The following KLC1 variants were observed in gnomAD, a reference collection of about 807,000 sequenced individuals.
KLC1 encodes the protein kinesin 2 60/70kDa.
In KLC1, 30 loss-of-function variants were observed where a neutral mutation model predicts 84.2. That is an observed-to-expected ratio of 0.36 (90% CI 0.27 to 0.48). KLC1 has a LOEUF of 0.48. Ranked by LOEUF, KLC1 falls within the 20% of genes least tolerant of loss-of-function variation. The pLI, the probability that KLC1 is intolerant of heterozygous loss-of-function variation, is 0.99. For missense variants in KLC1, 499 were observed against 805.4 expected (o/e 0.62, Z 4.60); for synonymous variants, 289 against 293.3 (o/e 0.99, Z 0.15).
rs560748692 is a variant in KLC1, at chr14:103,689,302, T to G, written c.1781+2091T>G. On this transcript the variant is annotated intron_variant, in intron 14 of 16. Coordinates refer to ENST00000334553, the MANE Select transcript of KLC1 (RefSeq NM_001394837.1). ...GACAGCTCTCAGAGTTGTTCTGTTT[T>G]CTCGTGTTTTGTGTCTTTGCCGTGA... is the stretch of plus-strand genomic sequence containing the variant. 5.3e-5 allele frequency among the ~76,000 whole-genome samples: 8 copies of G among 152,280 alleles called. No individual in the cohort carries two copies. The South Asian group carries it at 1.7e-3, about 32-fold the overall frequency.
chr14:103,678,468 T>C (rs1345751802), intron 12 of KLC1, among the ~76,000 whole-genome samples: 1 of 151,712 alleles, frequency 6.6e-6, no homozygotes, highest in African/African-American at 2.4e-5. Context: ...GAGGATCCCT[T>C]GAGCTCAGGA....
chr14:103,696,395 A>AT, intron 15 of KLC1: 1 of 985,390 alleles, frequency 1.0e-6, no homozygotes, highest in Non-Finnish European at 1.2e-6. Context: ...TGTTTTCTGG[A>AT]TTAAGCTGCT....
rs144922119 is a variant in KLC1 at position 103,645,150 on chromosome 14, T to C, written c.-1-9414T>C. Among the ~76,000 whole-genome samples the C allele has an allele frequency of 8.5e-4, 129 of 152,212 alleles. 3 individuals are homozygous for C. In the East Asian group the frequency reaches 0.02, roughly 23 times the overall value. On this transcript the variant is annotated intron_variant, in intron 1 of 16. Coordinates refer to ENST00000334553, the MANE Select transcript of KLC1 (RefSeq NM_001394837.1). ...CACCACACCTGGCTAATTTTGTATT[T>C]GTAGTAGAGTCGGGGTTTCTCCATG...
In KLC1 at chr14:103,662,939, T is replaced by C; in HGVS notation, c.797+12T>C. 1.3e-6 allele frequency: 2 copies of C among 1,574,232 alleles called. No homozygotes were observed. Among genetic ancestry groups the C allele is most frequent in the Non-Finnish European group, 8.6e-7 (1 of 1,157,562 alleles). On this transcript the variant is annotated intron_variant, in intron 5 of 16. Coordinates refer to ENST00000334553, the MANE Select transcript of KLC1 (RefSeq NM_001394837.1). ...GCCTTGGTGTACAGGCTAGTCACTTTTGTTTACCTACTGAATTTTACCTAG... is the reference window on the plus strand; with the variant it reads ...GCCTTGGTGTACAGGCTAGTCACTTCTGTTTACCTACTGAATTTTACCTAG...
chr14:103,677,187 G>T (rs991323580), intron 11 of KLC1, among the ~76,000 whole-genome samples: 2 of 152,260 alleles, frequency 1.3e-5, no homozygotes, highest in African/African-American at 4.8e-5. Context: ...TGTGGTGTTA[G>T]CCTGGCCTGC....
intron 1 of KLC1, among the ~76,000 whole-genome samples, chr14:103,632,503 G>A (rs1287010878): frequency 6.6e-6 from 1 of 152,018 alleles, no homozygotes; most frequent in Non-Finnish European, 1.5e-5. Context: ...ATCACCTGAG[G>A]TCAGGAGTTT....
At chr14:103,656,167 T>C (rs2078826066) in intron 2 of KLC1, among the ~76,000 whole-genome samples, 1 of 152,150 alleles carries the variant, frequency 6.6e-6, no homozygotes, top group South Asian at 2.1e-4. Context: ...TTTGATGATG[T>C]GTACAGCAGT....
intron 3 of KLC1, among the ~76,000 whole-genome samples, chr14:103,660,487 G>GAAAA (rs111860410): frequency 8.5e-6 from 1 of 117,086 alleles, no homozygotes; most frequent in Non-Finnish European, 1.8e-5. Flanking sequence ...TCTCAAAAAA[G>GAAAA]AAAAAAAAAA....
chr14:103,675,193 C>T (rs1212394692), intron 9 of KLC1, among the ~76,000 whole-genome samples: 8 of 151,960 alleles, frequency 5.3e-5, no homozygotes, highest in Admixed American at 3.3e-4. Flanking sequence ...GGTGTGGTGG[C>T]GGGTGCCTAT....
At chr14:103,643,245 A>G (rs1054918673) in intron 1 of KLC1, among the ~76,000 whole-genome samples, 1 of 152,208 alleles carries the variant, frequency 6.6e-6, no homozygotes, top group Non-Finnish European at 1.5e-5. Flanking sequence ...CATCTTCCAG[A>G]GGGTCCTCTA....
intron 1 of KLC1, among the ~76,000 whole-genome samples, chr14:103,639,753 T>C (rs1434707240): frequency 6.6e-6 from 1 of 151,800 alleles, no homozygotes; most frequent in African/African-American, 2.4e-5. Flanking sequence ...ATGTGAATTC[T>C]TTATTTTTAT....
At chr14:103,643,728 G>T (rs1269873800) in intron 1 of KLC1, among the ~76,000 whole-genome samples, 2 of 151,580 alleles carry the variant, frequency 1.3e-5, no homozygotes, top group African/African-American at 4.9e-5. Flanking sequence ...AAGAGTTCCA[G>T]ACCAGCCTGG....
rs569951223 is a variant in KLC1, at chr14:103,632,491, C to T, written c.-2+2997C>T. ...AGCACTTTGGGAGGCCAAGATGGACCGATCACCTGAGGTCAGGAGTTTGAG... is the reference window on the plus strand; with the variant it reads ...AGCACTTTGGGAGGCCAAGATGGACTGATCACCTGAGGTCAGGAGTTTGAG... On this transcript the variant is annotated intron_variant, in intron 1 of 16. Transcript: ENST00000334553. 2.7e-5 allele frequency among the ~76,000 whole-genome samples: 4 copies of T among 149,938 alleles called. No homozygotes were observed. In the East Asian group the frequency reaches 5.9e-4, roughly 22 times the overall value.
chr14:103,682,151 A>T (rs962465686), intron 13 of KLC1, among the ~76,000 whole-genome samples: 1 of 152,062 alleles, frequency 6.6e-6, no homozygotes, highest in East Asian at 1.9e-4. Context: ...CGGGCAGATC[A>T]CGAGGTCAGG....
intron 1 of KLC1, among the ~76,000 whole-genome samples, chr14:103,637,631 A>T (rs144645574): frequency 2.0e-5 from 3 of 151,570 alleles, no homozygotes; most frequent in Admixed American, 1.3e-4. Flanking sequence ...CATATCTATA[A>T]ATAAGTCACC....
At chr14:103,630,660 T>G (rs2151221828) in intron 1 of KLC1, among the ~76,000 whole-genome samples, 1 of 152,266 alleles carries the variant, frequency 6.6e-6, no homozygotes. Context: ...GACATGGCCT[T>G]GCTTCTTTCA....
chr14:103,669,608 TC>T lies in KLC1; in HGVS notation c.885+12del. On this transcript the variant is annotated intron_variant, in intron 6 of 16. Coordinates refer to ENST00000334553, the MANE Select transcript of KLC1 (RefSeq NM_001394837.1). ...CAAAGATCATCCTGCGGTTTGTATA[TC>T]CAGTTCTTTCATTCTTTTAATATTT... 1 of 1,517,280 alleles carries T rather than the reference TC, an allele frequency of 6.6e-7. No homozygotes were observed. The highest frequency in any genetic ancestry group is 9.1e-7 in the Non-Finnish European group (1 of 1,093,986). The allele number at this position is 1,517,280 out of a possible 1,614,324, so 94.0% of individuals were successfully genotyped here.
At chr14:103,631,161 A>G (rs1423430422) in intron 1 of KLC1, among the ~76,000 whole-genome samples, 1 of 151,870 alleles carries the variant, frequency 6.6e-6, no homozygotes, top group African/African-American at 2.4e-5. Flanking sequence ...GCTCACTGCA[A>G]GCTCCGCCTC....
intron 13 of KLC1, among the ~76,000 whole-genome samples, chr14:103,684,351 T>C (rs1567036993): frequency 6.6e-6 from 1 of 152,238 alleles, no homozygotes; most frequent in Non-Finnish European, 1.5e-5. Flanking sequence ...GAATATTCTT[T>C]CCCAGTAATA....
Sources: gnomAD v4.1 joint callset for allele counts (sites outside exome capture counted in the v4.1 genomes callset) on GRCh38, gnomAD v4.1.1 for gene constraint, MANE v1.5 for transcripts, NCBI Gene and HGNC (gene_info 2026-07-23, HGNC 2026-07-21) for gene names.